The following CYP20A1 variants were observed in gnomAD, a reference collection of about 807,000 sequenced individuals.
CYP20A1 encodes cytochrome P450 family 20 subfamily A member 1, also known as cytochrome P450 20A1.
In CYP20A1, 61 loss-of-function variants were observed where a neutral mutation model predicts 61.4. That is an observed-to-expected ratio of 0.99 (90% CI 0.81 to 1.23). CYP20A1 has a LOEUF of 1.23. CYP20A1 is among the 50% of genes most tolerant of loss of function. The pLI is 0.00. For missense variants in CYP20A1, 530 were observed against 542.4 expected, an observed-to-expected ratio of 0.98 and a Z score of 0.23; for synonymous variants, 193 against 188.2, an observed-to-expected ratio of 1.03 and a Z score of -0.21.
intron 3 of CYP20A1, among the ~76,000 whole-genome samples, chr2:203,249,288 G>A (rs964428103): frequency 1.8e-4 from 28 of 152,142 alleles, no homozygotes; most frequent in African/African-American, 5.3e-4. Flanking sequence ...GCCGAGGTGC[G>A]AAGATCGCTT....
At chr2:203,240,828 G>C (rs1356632017) in intron 1 of CYP20A1, among the ~76,000 whole-genome samples, 1 of 152,190 alleles carries the variant, frequency 6.6e-6, no homozygotes, top group Non-Finnish European at 1.5e-5. Context: ...TTTTTTAATG[G>C]ACTTTTGCTG....
intron 1 of CYP20A1, among the ~76,000 whole-genome samples, chr2:203,242,069 T>C (rs1472810980): frequency 2.0e-5 from 3 of 152,162 alleles, no homozygotes; most frequent in Non-Finnish European, 4.4e-5. Context: ...TTCGAACTCC[T>C]GACCTCAAGT....
chr2:203,241,955 C>T (rs148095632), intron 1 of CYP20A1, among the ~76,000 whole-genome samples: 3,186 of 152,326 alleles, frequency 0.021, 128 homozygotes, highest in African/African-American at 0.073. Context: ...GATTCTTCTG[C>T]CTCAGCCTCC....
rs954827399 is a variant in CYP20A1, at chr2:203,302,958, TG to T, written c.*6053del. ...TGCCCAACTCAGCCTCCCAGAGTGC[TG>T]GGATTACAAGCATGAGCCACCGCGC... is the stretch of plus-strand genomic sequence containing the variant. On this transcript the variant is annotated 3_prime_UTR_variant, in exon 13 of 13. Coordinates refer to ENST00000356079, the MANE Select transcript of CYP20A1 (RefSeq NM_177538.3). 2.0e-5 allele frequency among the ~76,000 whole-genome samples: 3 copies of T among 152,084 alleles called. No homozygotes were observed. Among genetic ancestry groups the T allele is most frequent in the African/African-American group, 7.2e-5 (3 of 41,420 alleles).
Position 203,280,076 on chromosome 2 carries a change from G to A in CYP20A1, c.813G>A (p.Met271Ile). The A allele has an allele frequency of 6.2e-7, 1 of 1,607,182 alleles. No individual in the cohort carries two copies. Among genetic ancestry groups the A allele is most frequent in the Non-Finnish European group, 8.5e-7 (1 of 1,177,280 alleles). ...LNDQQILEDS[M>I]IFSLASCIIT... ...TTTCCTAGATCCTAGAAGACAGTAT[G>A]ATATTTTCTCTGGCCAGTTGCATAA... The change falls in exon 8 of 13, where the codon ATG (methionine) becomes ATA (isoleucine). Residue 271 changes from methionine (M) to isoleucine (I), a missense_variant. Met to Ile is a conservative substitution (Grantham distance 10). Coordinates refer to ENST00000356079, the MANE Select transcript of CYP20A1 (RefSeq NM_177538.3).
intron 5 of CYP20A1, 160 bp from the exon 6 acceptor site, chr2:203,272,508 ATC>A (rs796199050): frequency 1.0e-4 from 36 of 358,838 alleles, no homozygotes; most frequent in African/African-American, 8.1e-4. Context: ...TGCCATTGCA[ATC>A]CAGCACTCTA....
At chr2:203,251,368 G>T (rs1355044530) in intron 3 of CYP20A1, among the ~76,000 whole-genome samples, 1 of 151,748 alleles carries the variant, frequency 6.6e-6, no homozygotes, top group East Asian at 1.9e-4. Context: ...AGACATTATA[G>T]TTATGTAGGT....
At chr2:203,296,384 T>A in intron 11 of CYP20A1, 90 bp from the exon 12 acceptor site, 1 of 711,204 alleles carries the variant, frequency 1.4e-6, no homozygotes, top group East Asian at 3.0e-5. Flanking sequence ...AGTTGATTTT[T>A]AACTTTGTTA....
chr2:203,245,363 T>C (rs912327171), intron 1 of CYP20A1, among the ~76,000 whole-genome samples: 1 of 150,588 alleles, frequency 6.6e-6, no homozygotes, highest in Non-Finnish European at 1.5e-5. Flanking sequence ...TTTTTTTTTT[T>C]CATTTTAAGT....
intron 8 of CYP20A1, among the ~76,000 whole-genome samples, chr2:203,280,535 T>C (rs2068000446): frequency 2.0e-5 from 3 of 152,308 alleles, no homozygotes; most frequent in Non-Finnish European, 4.4e-5. Flanking sequence ...AGACCTCGTC[T>C]CTGCTAAAAA....
intron 4 of CYP20A1, among the ~76,000 whole-genome samples, chr2:203,258,979 A>G (rs575288121): frequency 1.3e-5 from 2 of 152,284 alleles, no homozygotes; most frequent in Admixed American, 1.3e-4. Flanking sequence ...TTCAATCATG[A>G]TAGAAGCACC....
Position 203,280,041 on chromosome 2 carries a change from CT to C in CYP20A1, c.796-16del. On this transcript the variant is annotated splice_polypyrimidine_tract_variant and intron_variant, in intron 7 of 12. Transcript: ENST00000356079. ...CCTTACATTTTTCACACTTTCTAAACTTAGTTTTGTTTCCTAGATCCTAGAA... is the reference window on the plus strand; with the variant it reads ...CCTTACATTTTTCACACTTTCTAAACTAGTTTTGTTTCCTAGATCCTAGAA... 1 of 1,590,928 alleles carries C rather than the reference CT, an allele frequency of 6.3e-7. No individual in the cohort carries two copies. The highest frequency in any genetic ancestry group is 8.6e-7 in the Non-Finnish European group (1 of 1,167,136).
At position 203,272,688 on chromosome 2, in the gene CYP20A1, A is replaced by C; in HGVS notation, c.619A>C (p.Lys207Gln). The C allele has an allele frequency of 1.2e-6, 2 of 1,606,926 alleles. No homozygotes were observed. The highest frequency in any genetic ancestry group is 1.7e-6 in the Non-Finnish European group (2 of 1,177,552). ...NHGTVWSEIG[K>Q]GFLDGSLDKN... ...TTTTCAGGTTTGGTCTGAGATTGGA[A>C]AAGGCTTTCTAGATGGGTCACTTGA... The change falls in exon 6 of 13, where the codon AAA becomes CAA. Residue 207 changes from lysine (K) to glutamine (Q), a missense_variant. By Grantham distance (53) the Lys-to-Gln change is moderately conservative. Transcript: ENST00000356079.
chr2:203,270,939 C>T (rs1029163105), intron 5 of CYP20A1, among the ~76,000 whole-genome samples: 13 of 145,472 alleles, frequency 8.9e-5, no homozygotes, highest in African/African-American at 2.3e-4. Flanking sequence ...GCAATCTGCC[C>T]GCCTTGACCT....
chr2:203,293,951 C>G (rs902081385), intron 11 of CYP20A1, among the ~76,000 whole-genome samples: 2 of 151,544 alleles, frequency 1.3e-5, no homozygotes, highest in Non-Finnish European at 2.9e-5. Context: ...GTTTCTTAGG[C>G]CCTTCATTTC....
intron 1 of CYP20A1, among the ~76,000 whole-genome samples, chr2:203,240,935 T>C (rs986767676): frequency 6.6e-6 from 1 of 152,212 alleles, no homozygotes; most frequent in Admixed American, 6.5e-5. Context: ...ATCATTGTGG[T>C]TGCTAAGTCA....
chr2:203,256,354 T>C (rs959081718), intron 4 of CYP20A1, among the ~76,000 whole-genome samples: 1 of 152,024 alleles, frequency 6.6e-6, no homozygotes, highest in African/African-American at 2.4e-5. Context: ...TTTATTTATT[T>C]ATTTTTATTT....
chr2:203,250,747 T>C (rs920013831), intron 3 of CYP20A1, among the ~76,000 whole-genome samples: 6 of 152,198 alleles, frequency 3.9e-5, no homozygotes, highest in Admixed American at 1.3e-4. Context: ...GACAGATTTT[T>C]CTGTCTCTCT....
intron 5 of CYP20A1, among the ~76,000 whole-genome samples, chr2:203,269,713 C>T (rs1358800023): frequency 2.6e-5 from 4 of 152,046 alleles, no homozygotes; most frequent in African/African-American, 7.2e-5. Context: ...CAGCTGGTCT[C>T]GAACTCCTGA....
Sources: gnomAD v4.1 joint callset for allele counts (sites outside exome capture counted in the v4.1 genomes callset) on GRCh38, gnomAD v4.1.1 for gene constraint, MANE v1.5 for transcripts, NCBI Gene and HGNC (gene_info 2026-07-23, HGNC 2026-07-21) for gene names.